NFIX: variants seen among roughly 807,000 people sequenced by gnomAD.
The protein encoded by NFIX is nuclear factor I X.
NFIX carries 2 observed loss-of-function variants against 53.3 expected under a neutral mutation model. The ratio of observed to expected loss-of-function variants is 0.04; its 90% CI spans 0.02 to 0.12. NFIX has a LOEUF of 0.12. NFIX is among the 10% of genes least tolerant of loss of function. The pLI is 1.00. For missense variants in NFIX, 310 were observed against 674.5 expected, an observed-to-expected ratio of 0.46 and a Z score of 5.99; for synonymous variants, 244 against 289.0, an observed-to-expected ratio of 0.84 and a Z score of 1.58.
chr19:13,050,250 A>G (rs1023260230), intron 2 of NFIX, among the ~76,000 whole-genome samples: 5 of 152,138 alleles, frequency 3.3e-5, no homozygotes, highest in Admixed American at 1.3e-4. Flanking sequence ...GGAGCTCTCT[A>G]TAGCCCCTGA....
In NFIX at chr19:13,098,003, C is replaced by A. The variant is rs1382549189; in HGVS notation, c.*3354C>A. ...CACACAGCCCCGCCCCACCCCGCAA[C>A]CAGCCCTGTCGACTGCCTTATACAC... On this transcript the variant is annotated 3_prime_UTR_variant, in exon 11 of 11. Coordinates refer to ENST00000592199, the MANE Select transcript of NFIX (RefSeq NM_001365902.3). 3 of 152,272 alleles carry A rather than the reference C, an allele frequency of 2.0e-5. No individual in the cohort carries two copies. Among genetic ancestry groups the A allele is most frequent in the African/African-American group, 4.9e-5 (2 of 41,220 alleles). The allele number at this position is 152,272 out of a possible 1,614,324, so 9.4% of individuals were successfully genotyped here.
At chr19:13,056,758 G>A (rs2015721562) in intron 2 of NFIX, among the ~76,000 whole-genome samples, 1 of 152,218 alleles carries the variant, frequency 6.6e-6, no homozygotes, top group South Asian at 2.1e-4. Context: ...AGTGCAAAAT[G>A]CAAACTCAGG....
intron 10 of NFIX, among the ~76,000 whole-genome samples, chr19:13,091,458 C>T (rs2018136398): frequency 6.6e-6 from 1 of 151,424 alleles, no homozygotes; most frequent in Non-Finnish European, 1.5e-5. Flanking sequence ...TTCAGAGCTC[C>T]CTAGTGGCAA....
Position 13,093,838 on chromosome 19 carries a change from G to C in NFIX, c.1495-797G>C, listed in dbSNP as rs892826804. ...ACCACTTTGCCAGGAGGTGGGGCTG[G>C]AGCCTTGGATGGAGGGCGTAGCCAA... On this transcript the variant is annotated intron_variant, in intron 10 of 10. Coordinates refer to ENST00000592199, the MANE Select transcript of NFIX (RefSeq NM_001365902.3). The surrounding 1 kb of genome is among the most constrained non-coding windows in gnomAD (Gnocchi z 4.7). 5.3e-5 allele frequency among the ~76,000 whole-genome samples: 8 copies of C among 152,144 alleles called. No homozygotes were observed. The highest frequency in any genetic ancestry group is 1.2e-4 in the Non-Finnish European group (8 of 68,030).
At position 13,010,789 on chromosome 19, in the gene NFIX, C is replaced by T. The variant is rs189837955; in HGVS notation, c.28-14232C>T. The stretch of plus-strand genomic sequence containing the variant: ...CACATGAGTCACACACCTGCCAGGC[C>T]GCTCAGGGCATCTGGCTTCAAAGCG... On this transcript the variant is annotated intron_variant, in intron 1 of 10. Transcript: ENST00000592199. Among the ~76,000 whole-genome samples the T allele has an allele frequency of 1.6e-4, 25 of 152,268 alleles. No individual in the cohort carries two copies. In the East Asian group the frequency reaches 4.3e-3, roughly 26 times the overall value.
At position 13,021,407 on chromosome 19, in the gene NFIX, C is replaced by T. The variant is rs371689534; in HGVS notation, c.28-3614C>T. 1.5e-4 allele frequency among the ~76,000 whole-genome samples: 23 copies of T among 152,218 alleles called. No individual in the cohort carries two copies. In the East Asian group the frequency reaches 2.7e-3, roughly 18 times the overall value. The stretch of plus-strand genomic sequence containing the variant: ...CCCCTCTCCCATTGTCAGGGTTCAG[C>T]GCCAGCCCAGGGCTGGATGTTTTAT... On this transcript the variant is annotated intron_variant, in intron 1 of 10. Coordinates refer to ENST00000592199, the MANE Select transcript of NFIX (RefSeq NM_001365902.3). The surrounding 1 kb of genome is among the most constrained non-coding windows in gnomAD (Gnocchi z 4.2).
At chr19:13,038,642 A>G (rs774404707) in intron 2 of NFIX, among the ~76,000 whole-genome samples, 39 of 152,228 alleles carry the variant, frequency 2.6e-4, no homozygotes, top group Non-Finnish European at 4.4e-4. Context: ...CATAGCAGAC[A>G]CTGTTTTTCA....
chr19:13,044,334 G>A (rs925379755), intron 2 of NFIX, among the ~76,000 whole-genome samples: 2 of 152,234 alleles, frequency 1.3e-5, no homozygotes, highest in Non-Finnish European at 2.9e-5. Flanking sequence ...GGATGCATAT[G>A]TTCATGAGGT....
intron 2 of NFIX, among the ~76,000 whole-genome samples, chr19:13,056,198 G>A (rs916090998): frequency 6.6e-6 from 1 of 152,200 alleles, no homozygotes; most frequent in Admixed American, 6.5e-5. Context: ...GCAGGGGGAG[G>A]AGCGGGCTTT....
chr19:13,042,871 A>G (rs540293450), intron 2 of NFIX, among the ~76,000 whole-genome samples: 1 of 152,186 alleles, frequency 6.6e-6, no homozygotes, highest in East Asian at 1.9e-4. Context: ...TACTAGGCAA[A>G]AGGTATGGAC....
Position 13,073,454 on chromosome 19 carries a change from T to G in NFIX, c.655T>G (p.Ser219Ala), listed in dbSNP as rs1300698946. 6.2e-7 allele frequency: 1 copy of G among 1,613,900 alleles called. No homozygotes were observed. Among genetic ancestry groups the G allele is most frequent in the African/African-American group, 1.3e-5 (1 of 74,930 alleles). ...AAGTTTCCAGGACTGTTTTGTGACTTCCGGGGTCTGGAATGTGACGGAGCT... is the reference window on the plus strand; with the variant it reads ...AAGTTTCCAGGACTGTTTTGTGACTGCCGGGGTCTGGAATGTGACGGAGCT... ...HLSFQDCFVT[S>A]GVWNVTELVR... The change falls in exon 4 of 11, where the codon TCC becomes GCC. Residue 219 changes from serine (S) to alanine (A), a missense_variant. Coordinates refer to ENST00000592199, the MANE Select transcript of NFIX (RefSeq NM_001365902.3). This position sits in a 1 kb window ranked among gnomAD's most constrained non-coding sequence, Gnocchi z 4.5.
chr19:13,096,273 T>C lies in NFIX; in HGVS notation c.*1624T>C, dbSNP rs1000371877. 3.3e-5 allele frequency: 5 copies of C among 152,576 alleles called. No homozygotes were observed. Among genetic ancestry groups the C allele is most frequent in the African/African-American group, 1.2e-4 (5 of 41,414 alleles). 9.5% of individuals were successfully genotyped at this position (152,576 alleles called of 1,614,324 possible). On this transcript the variant is annotated 3_prime_UTR_variant, in exon 11 of 11. Transcript: ENST00000592199. Reference sequence around the variant, plus strand: ...CAGGTCAGGATCCTCTGAGAGAAAATCAACATTGCACCACGTAGGGGTGGG... The same window carrying C: ...CAGGTCAGGATCCTCTGAGAGAAAACCAACATTGCACCACGTAGGGGTGGG...
chr19:13,066,709 A>G lies in NFIX; in HGVS notation c.560-6338A>G, dbSNP rs2016426256. Among the ~76,000 whole-genome samples the G allele has an allele frequency of 6.6e-6, 1 of 152,174 alleles. No individual in the cohort carries two copies. Among genetic ancestry groups the G allele is most frequent in the Non-Finnish European group, 1.5e-5 (1 of 68,022 alleles). On this transcript the variant is annotated intron_variant, in intron 2 of 10. Coordinates refer to ENST00000592199, the MANE Select transcript of NFIX (RefSeq NM_001365902.3). This position sits in a 1 kb window ranked among gnomAD's most constrained non-coding sequence, Gnocchi z 4.2. ...AGAGGAGGGAAAAACCTGCCACCTCAGGATGACTCCAGGATGTGTGTGTGC... is the reference window on the plus strand; with the variant it reads ...AGAGGAGGGAAAAACCTGCCACCTCGGGATGACTCCAGGATGTGTGTGTGC...
chr19:13,080,808 G>A (rs1294895856), intron 7 of NFIX, among the ~76,000 whole-genome samples: 7 of 150,992 alleles, frequency 4.6e-5, no homozygotes, highest in African/African-American at 9.8e-5. Context: ...AGACCATTCT[G>A]GCTAACACGG....
Position 13,094,222 on chromosome 19 carries a change from C to T in NFIX, c.1495-413C>T, listed in dbSNP as rs1296452480. On this transcript the variant is annotated intron_variant, in intron 10 of 10. Coordinates refer to ENST00000592199, the MANE Select transcript of NFIX (RefSeq NM_001365902.3). This position sits in a 1 kb window ranked among gnomAD's most constrained non-coding sequence, Gnocchi z 4.3. ...AAAGAAAACTCAGCAAGAAGCTGGG[C>T]CACCCCCAACCCATTCCTAAAACCC... Among the ~76,000 whole-genome samples the T allele has an allele frequency of 6.6e-6, 1 of 152,198 alleles. No individual in the cohort carries two copies. The highest frequency in any genetic ancestry group is 1.5e-5 in the Non-Finnish European group (1 of 68,040).
At chr19:13,084,684 A>G (rs1286094554) in intron 8 of NFIX, among the ~76,000 whole-genome samples, 1 of 151,986 alleles carries the variant, frequency 6.6e-6, no homozygotes, top group East Asian at 1.9e-4. Flanking sequence ...CCAATGGGAG[A>G]GCATGACTCC....
intron 8 of NFIX, among the ~76,000 whole-genome samples, chr19:13,085,908 G>T (rs1228808931): frequency 6.6e-6 from 1 of 152,224 alleles, no homozygotes; most frequent in Non-Finnish European, 1.5e-5. Context: ...TGCTTCTGCC[G>T]ACTTGTTGGG....
Position 13,075,520 on chromosome 19 carries a change from T to C in NFIX, c.819-15T>C. Reference sequence around the variant, plus strand: ...GCCCATCCTTGGCCCATGTGACCCTTTCTTTCTTCCCCAGCACCACCAAGC... The same window carrying C: ...GCCCATCCTTGGCCCATGTGACCCTCTCTTTCTTCCCCAGCACCACCAAGC... On this transcript the variant is annotated splice_polypyrimidine_tract_variant and intron_variant, in intron 5 of 10. Transcript: ENST00000592199. 1.2e-6 allele frequency: 2 copies of C among 1,613,096 alleles called. No homozygotes were observed.
intron 2 of NFIX, chr19:13,070,049 G>A (rs11881337): frequency 0.068 from 10,271 of 152,126 alleles, 939 homozygotes; most frequent in African/African-American, 0.2. Context: ...TCAAGGCAAG[G>A]CTCCCCAAAG....
Sources: gnomAD v4.1 joint callset for allele counts (sites outside exome capture counted in the v4.1 genomes callset) on GRCh38, gnomAD v4.1.1 for gene constraint, Gnocchi (gnomAD v3.1) non-coding constraint, MANE v1.5 for transcripts, NCBI Gene and HGNC (gene_info 2026-07-23, HGNC 2026-07-21) for gene names.